The following TRHDE variants were observed in gnomAD, a reference collection of about 807,000 sequenced individuals.
TRHDE encodes thyrotropin releasing hormone degrading enzyme, also known as thyrotropin-releasing hormone-degrading ectoenzyme.
A neutral mutation model predicts 125.7 loss-of-function variants in TRHDE; 72 were observed. The ratio of observed to expected loss-of-function variants is 0.57; its 90% CI spans 0.47 to 0.70. The LOEUF (loss-of-function observed/expected upper bound fraction) is 0.70, where lower values mean the gene tolerates loss of function less well. Ranked by LOEUF, TRHDE falls within the 30% of genes least tolerant of loss-of-function variation. The probability of loss-of-function intolerance (pLI) is 0.00; values close to 1 mark genes in which losing one functional copy is unlikely to be tolerated. For missense variants in TRHDE, 1,110 were observed against 1,327.1 expected, an observed-to-expected ratio of 0.84 and a Z score of 2.54; for synonymous variants, 509 against 509.1, an observed-to-expected ratio of 1.00 and a Z score of 0.00.
chr12:72,387,545 A>G (rs1872472956), intron 3 of TRHDE, among the ~76,000 whole-genome samples: 1 of 152,116 alleles, frequency 6.6e-6, no homozygotes, highest in Admixed American at 6.6e-5. Flanking sequence ...GGGATGTTGA[A>G]TTTACCTGGT....
At chr12:72,220,827 G>A (rs887957692) in intron 2 of TRHDE, among the ~76,000 whole-genome samples, 1 of 152,076 alleles carries the variant, frequency 6.6e-6, no homozygotes, top group South Asian at 2.1e-4. Context: ...ACCAAGGACT[G>A]CTACTGGATA....
At chr12:72,174,587 T>C (rs1241675251) in intron 2 of TRHDE, among the ~76,000 whole-genome samples, 3 of 152,052 alleles carry the variant, frequency 2.0e-5, no homozygotes, top group African/African-American at 7.2e-5. Flanking sequence ...CCTTAGCCTA[T>C]TTTTTTTCCT....
chr12:72,410,561 T>C (rs1013897234), intron 3 of TRHDE, among the ~76,000 whole-genome samples: 2 of 152,116 alleles, frequency 1.3e-5, no homozygotes, highest in Non-Finnish European at 2.9e-5. Flanking sequence ...TGAAATTAGT[T>C]GGACATTAAA....
intron 3 of TRHDE, among the ~76,000 whole-genome samples, chr12:72,404,916 C>G (rs1282181304): frequency 1.3e-5 from 2 of 152,186 alleles, no homozygotes; most frequent in African/African-American, 4.8e-5. Flanking sequence ...ATACTATCTG[C>G]ATGTAAATCA....
intron 10 of TRHDE, among the ~76,000 whole-genome samples, chr12:72,573,995 C>T (rs2136026106): frequency 6.6e-6 from 1 of 151,982 alleles, no homozygotes; most frequent in African/African-American, 2.4e-5. Context: ...GAAGTACATT[C>T]TATTTTACTG....
intron 2 of TRHDE, among the ~76,000 whole-genome samples, chr12:72,170,073 G>A (rs938081382): frequency 3.3e-5 from 5 of 152,150 alleles, no homozygotes; most frequent in African/African-American, 9.7e-5. Flanking sequence ...GGAGCTAGTC[G>A]ACCAGAACGT....
rs563550409 is a variant in TRHDE at position 72,432,711 on chromosome 12, C to G, written c.1316-37047C>G. 2.6e-5 allele frequency among the ~76,000 whole-genome samples: 4 copies of G among 152,232 alleles called. No individual in the cohort carries two copies. The South Asian group carries it at 8.3e-4, about 32-fold the overall frequency. ...AGCAGGTGAACCCCTGGCATACAGG[C>G]GTCTTGGGTCACAGTGGGGCATTAG... On this transcript the variant is annotated intron_variant, in intron 3 of 18. Coordinates refer to ENST00000261180, the MANE Select transcript of TRHDE (RefSeq NM_013381.3).
Position 72,365,456 on chromosome 12 carries a change from G to T in TRHDE, c.1189-12539G>T, listed in dbSNP as rs10431587. ...TCAAACAATAACCTTTGGTGATTCT[G>T]ATGCAAACATTGTGGGACACTTGGA... On this transcript the variant is annotated intron_variant, in intron 2 of 18. Coordinates refer to ENST00000261180, the MANE Select transcript of TRHDE (RefSeq NM_013381.3). 7.1e-4 allele frequency among the ~76,000 whole-genome samples: 108 copies of T among 152,186 alleles called. 1 individual carries two copies. The East Asian group carries it at 0.02, about 28-fold the overall frequency.
intron 1 of TRHDE, among the ~76,000 whole-genome samples, chr12:72,093,901 T>A (rs556661621): frequency 6.6e-6 from 1 of 152,338 alleles, no homozygotes; most frequent in Admixed American, 6.5e-5. Flanking sequence ...TTCTTTATGA[T>A]CTGTATGGCC....
intron 15 of TRHDE, among the ~76,000 whole-genome samples, chr12:72,645,073 A>T (rs1199536022): frequency 6.6e-6 from 1 of 152,222 alleles, no homozygotes; most frequent in Non-Finnish European, 1.5e-5. Flanking sequence ...TGTAGACATG[A>T]ACTGATAGTC....
chr12:72,248,408 ACT>A (rs1465046319), intron 2 of TRHDE, among the ~76,000 whole-genome samples: 3 of 116,260 alleles, frequency 2.6e-5, no homozygotes, highest in East Asian at 2.3e-4. Context: ...ACAAAGCGAG[ACT>A]CTGTCTCAAA....
chr12:72,456,176 C>CACACACAGAG (rs796569778), intron 3 of TRHDE, among the ~76,000 whole-genome samples: 1 of 140,442 alleles, frequency 7.1e-6, no homozygotes, highest in Non-Finnish European at 1.5e-5. Flanking sequence ...CACACACACA[C>CACACACAGAG]AGAGACTCAG....
At chr12:72,369,861 G>C (rs1388468220) in intron 2 of TRHDE, among the ~76,000 whole-genome samples, 1 of 152,138 alleles carries the variant, frequency 6.6e-6, no homozygotes, top group Non-Finnish European at 1.5e-5. Flanking sequence ...TGGAATGTCA[G>C]AAAACGCTGC....
At chr12:72,638,773 T>C (rs913413294) in intron 15 of TRHDE, among the ~76,000 whole-genome samples, 7 of 152,080 alleles carry the variant, frequency 4.6e-5, no homozygotes, top group African/African-American at 1.7e-4. Flanking sequence ...AAGCTTAGTT[T>C]GGCTAGATAT....
intron 2 of TRHDE, among the ~76,000 whole-genome samples, chr12:72,247,584 C>T (rs1340676826): frequency 2.0e-5 from 3 of 152,172 alleles, no homozygotes; most frequent in Non-Finnish European, 4.4e-5. Flanking sequence ...TTTTAATGTG[C>T]AGCTGGAGTT....
At chr12:72,623,954 C>T (rs1475896601) in intron 15 of TRHDE, among the ~76,000 whole-genome samples, 2 of 151,984 alleles carry the variant, frequency 1.3e-5, no homozygotes, top group Non-Finnish European at 2.9e-5. Flanking sequence ...TCATTTCCTT[C>T]ATTAATTCTA....
intron 6 of TRHDE, among the ~76,000 whole-genome samples, chr12:72,540,224 G>A (rs1336489567): frequency 1.3e-5 from 2 of 151,614 alleles, no homozygotes; most frequent in Non-Finnish European, 3.0e-5. Context: ...CCACTCCAGA[G>A]ACTATTAAAA....
At chr12:72,656,088 C>T (rs1874699403) in intron 17 of TRHDE, among the ~76,000 whole-genome samples, 1 of 151,998 alleles carries the variant, frequency 6.6e-6, no homozygotes, top group Non-Finnish European at 1.5e-5. Flanking sequence ...TTATTGTACT[C>T]ACCTTAGTTC....
chr12:72,432,979 A>T (rs2135844913), intron 3 of TRHDE, among the ~76,000 whole-genome samples: 1 of 152,246 alleles, frequency 6.6e-6, no homozygotes, highest in South Asian at 2.1e-4. Context: ...TAGATTGAAG[A>T]AGTTACTACC....
Sources: allele counts gnomAD v4.1 joint callset (sites outside exome capture counted in the v4.1 genomes callset), GRCh38; gene constraint gnomAD v4.1.1; transcripts MANE v1.5; gene names NCBI Gene and HGNC (gene_info 2026-07-23, HGNC 2026-07-21).